The following PTPRD variants were observed in gnomAD, a reference collection of about 807,000 sequenced individuals.
The protein encoded by PTPRD is receptor-type tyrosine-protein phosphatase delta.
Under a neutral mutation model 214.5 loss-of-function variants are expected in PTPRD, and 34 were observed. The observed-to-expected ratio is 0.16, with a 90% CI of 0.12 to 0.21. PTPRD has a LOEUF of 0.21. PTPRD is among the 10% of genes least tolerant of loss of function. The pLI is 1.00. For synonymous variants in PTPRD, 1,128 were observed against 845.7 expected (o/e 1.33, Z -5.79); for missense variants, 2,545 against 2,398.7 (o/e 1.06, Z -1.27).
At chr9:8,528,305 C>A in intron 15 of PTPRD, 1 of 469,072 alleles carries the variant, frequency 2.1e-6, no homozygotes, top group South Asian at 5.1e-5. Context: ...CCATCAAATA[C>A]TGCGAAAAAG....
intron 9 of PTPRD, among the ~76,000 whole-genome samples, chr9:9,376,649 A>G (rs2060885889): frequency 6.6e-6 from 1 of 152,156 alleles, no homozygotes; most frequent in Non-Finnish European, 1.5e-5. Context: ...ATGTCTTGAA[A>G]ATGAATCCAG....
intron 7 of PTPRD, among the ~76,000 whole-genome samples, chr9:9,686,679 A>T (rs569381244): frequency 7.2e-5 from 11 of 151,734 alleles, no homozygotes; most frequent in Admixed American, 5.9e-4. Context: ...ACATTTGTGT[A>T]CTTTATGTAA....
chr9:8,885,312 C>A (rs1376000559), intron 11 of PTPRD, among the ~76,000 whole-genome samples: 1 of 151,958 alleles, frequency 6.6e-6, no homozygotes, highest in African/African-American at 2.4e-5. Context: ...TAAGGGGTTT[C>A]TCAGGGCATG....
intron 3 of PTPRD, among the ~76,000 whole-genome samples, chr9:10,153,907 T>C (rs1045517528): frequency 6.6e-6 from 1 of 152,186 alleles, no homozygotes; most frequent in Non-Finnish European, 1.5e-5. Context: ...GTAAGTTGAT[T>C]CTATGTCTTT....
At chr9:10,273,254 T>G (rs1223972647) in intron 3 of PTPRD, among the ~76,000 whole-genome samples, 1 of 152,172 alleles carries the variant, frequency 6.6e-6, no homozygotes, top group African/African-American at 2.4e-5. Flanking sequence ...CCTCTTTGGC[T>G]CCTCAGTTTA....
At chr9:8,526,041 A>C (rs551564630) in intron 17 of PTPRD, among the ~76,000 whole-genome samples, 1 of 152,218 alleles carries the variant, frequency 6.6e-6, no homozygotes, top group African/African-American at 2.4e-5. Context: ...TCAGGTGGAA[A>C]GGGGAGTCAT....
At chr9:8,518,500 T>A in intron 20 of PTPRD, 71 bp from the exon 21 acceptor site, 1 of 1,092,042 alleles carries the variant, frequency 9.2e-7, no homozygotes, top group Non-Finnish European at 1.3e-6. Context: ...CTATAAACTC[T>A]ACTATGAAAA....
intron 5 of PTPRD, among the ~76,000 whole-genome samples, chr9:9,859,115 C>T (rs1599992975): frequency 6.6e-6 from 1 of 152,262 alleles, no homozygotes; most frequent in Middle Eastern, 3.4e-3. Flanking sequence ...AGCACTCCCC[C>T]ATGCTCACAC....
At chr9:9,237,317 T>C (rs182019144) in intron 9 of PTPRD, among the ~76,000 whole-genome samples, 10 of 152,080 alleles carry the variant, frequency 6.6e-5, no homozygotes, top group Admixed American at 1.3e-4. Flanking sequence ...GTAATCCCAG[T>C]ACTTTGGGAG....
At chr9:8,402,667 AT>A (rs61608095) in intron 36 of PTPRD, among the ~76,000 whole-genome samples, 2,164 of 144,202 alleles carry the variant, frequency 0.015, 51 homozygotes, top group African/African-American at 0.054. Flanking sequence ...TATGGAGATG[AT>A]TTAAGAGACT....
At chr9:9,271,696 G>A (rs1594916327) in intron 9 of PTPRD, among the ~76,000 whole-genome samples, 1 of 151,206 alleles carries the variant, frequency 6.6e-6, no homozygotes, top group East Asian at 2.0e-4. Context: ...ATTTTGCCTT[G>A]ACCTTTTATA....
At chr9:8,535,515 T>G (rs886182106) in intron 14 of PTPRD, among the ~76,000 whole-genome samples, 19 of 151,970 alleles carry the variant, frequency 1.3e-4, no homozygotes, top group African/African-American at 4.3e-4. Context: ...CTCTAAATAT[T>G]TGGGATGTCA....
intron 35 of PTPRD, among the ~76,000 whole-genome samples, chr9:8,417,875 C>T (rs1281710165): frequency 6.6e-6 from 1 of 152,122 alleles, no homozygotes; most frequent in Non-Finnish European, 1.5e-5. Flanking sequence ...GATATACTAA[C>T]AATGAAATTT....
intron 4 of PTPRD, among the ~76,000 whole-genome samples, chr9:10,014,456 G>C (rs868655886): frequency 1.3e-5 from 2 of 152,032 alleles, no homozygotes; most frequent in East Asian, 1.9e-4. Context: ...TTTTGACTTT[G>C]AGAGTTATTG....
intron 12 of PTPRD, among the ~76,000 whole-genome samples, chr9:8,668,513 T>C (rs75178877): frequency 5.3e-5 from 8 of 152,186 alleles, no homozygotes; most frequent in South Asian, 4.1e-4. Context: ...CCATCTTACA[T>C]AGAATAAGAT....
At chr9:9,144,769 C>T (rs958383111) in intron 10 of PTPRD, among the ~76,000 whole-genome samples, 1 of 151,704 alleles carries the variant, frequency 6.6e-6, no homozygotes, top group African/African-American at 2.4e-5. Flanking sequence ...AACAAACAAA[C>T]AAAAAACAAA....
chr9:10,446,588 A>G (rs1369155158), intron 2 of PTPRD, among the ~76,000 whole-genome samples: 1 of 151,964 alleles, frequency 6.6e-6, no homozygotes, highest in Non-Finnish European at 1.5e-5. Flanking sequence ...TTTCAAACTG[A>G]GGAGCAAGAT....
At chr9:8,826,426 T>C (rs1314529942) in intron 11 of PTPRD, among the ~76,000 whole-genome samples, 1 of 152,134 alleles carries the variant, frequency 6.6e-6, no homozygotes, top group African/African-American at 2.4e-5. Flanking sequence ...CCTGACCATT[T>C]TTCTCCAATC....
chr9:9,934,295 G>C (rs2088178445), intron 5 of PTPRD, among the ~76,000 whole-genome samples: 1 of 150,918 alleles, frequency 6.6e-6, no homozygotes. Flanking sequence ...CCAGGAGCTG[G>C]TTTTTTGAAA....
Sources: allele counts gnomAD v4.1 joint callset (sites outside exome capture counted in the v4.1 genomes callset), GRCh38; gene constraint gnomAD v4.1.1; transcripts MANE v1.5; gene names NCBI Gene and HGNC (gene_info 2026-07-23, HGNC 2026-07-21).